Variants in ELAPOR1 observed in about 807,000 individuals in gnomAD.
The protein encoded by ELAPOR1 is endosome-lysosome associated apoptosis and autophagy regulator 1.
ELAPOR1 carries 77 observed loss-of-function variants against 119.7 expected under a neutral mutation model. The ratio of observed to expected loss-of-function variants is 0.64; its 90% CI spans 0.54 to 0.78. The LOEUF (loss-of-function observed/expected upper bound fraction) is 0.78, where lower values mean the gene tolerates loss of function less well. Ranked by LOEUF, ELAPOR1 falls within the 30% of genes least tolerant of loss-of-function variation. The pLI, the probability that ELAPOR1 is intolerant of heterozygous loss-of-function variation, is 0.00. For missense variants in ELAPOR1, 1,115 were observed against 1,270.4 expected, an observed-to-expected ratio of 0.88 and a Z score of 1.86; for synonymous variants, 481 against 487.2, an observed-to-expected ratio of 0.99 and a Z score of 0.17.
intron 8 of ELAPOR1, among the ~76,000 whole-genome samples, chr1:109,186,080 A>T (rs1187624730): frequency 1.3e-5 from 2 of 152,010 alleles, no homozygotes; most frequent in Non-Finnish European, 2.9e-5. Flanking sequence ...GGAAGGAAAA[A>T]AAAAAACCAG....
Position 109,199,897 on chromosome 1 carries a change from C to T in ELAPOR1, c.2545C>T (p.Leu849=). Residue 849 remains leucine, a synonymous_variant, in exon 19 of 22, where the codon CTG becomes TTG. Transcript: ENST00000369939. The part of the protein sequence containing the change: ...GTCDGCNFHF[L]WESAAACPLC... The stretch of plus-strand genomic sequence containing the variant: ...CTGTGATGGCTGCAACTTCCACTTC[C>T]TGTGGGAGAGCGCGGCTGCTTGCCC... 6.2e-7 allele frequency: 1 copy of T among 1,613,784 alleles called. No homozygotes were observed. The highest frequency in any genetic ancestry group is 8.5e-7 in the Non-Finnish European group (1 of 1,180,026).
chr1:109,140,349 G>T (rs987843947), intron 1 of ELAPOR1, among the ~76,000 whole-genome samples: 3 of 152,164 alleles, frequency 2.0e-5, no homozygotes, highest in African/African-American at 7.2e-5. Context: ...TGGCTAGGGT[G>T]CAGGGTTGGA....
chr1:109,130,548 T>C lies in ELAPOR1; in HGVS notation c.153+16212T>C, dbSNP rs1649096035. 2.6e-5 allele frequency among the ~76,000 whole-genome samples: 4 copies of C among 151,988 alleles called. No homozygotes were observed. In the East Asian group the frequency reaches 7.7e-4, roughly 29 times the overall value. ...TGAAAATAGAGACAAGGGCTCACTC[T>C]GTTGCCCAGGCTGGTCTCCAACTCT... On this transcript the variant is annotated intron_variant, in intron 1 of 21. Transcript: ENST00000369939.
intron 3 of ELAPOR1, among the ~76,000 whole-genome samples, chr1:109,169,581 G>T (rs1651805992): frequency 6.6e-6 from 1 of 152,146 alleles, no homozygotes; most frequent in Non-Finnish European, 1.5e-5. Flanking sequence ...GGAAACCTGG[G>T]CTGGTCTCAG....
intron 1 of ELAPOR1, among the ~76,000 whole-genome samples, chr1:109,130,761 G>A (rs1420115929): frequency 1.3e-5 from 2 of 152,046 alleles, no homozygotes; most frequent in African/African-American, 2.4e-5. Context: ...TTTTCAAAAT[G>A]GTTTAACTAT....
intron 7 of ELAPOR1, among the ~76,000 whole-genome samples, chr1:109,183,397 T>C (rs1206918769): frequency 4.6e-5 from 6 of 130,116 alleles, no homozygotes; most frequent in Non-Finnish European, 8.3e-5. Context: ...TATGATGAAA[T>C]AATGAAAAAA....
At chr1:109,182,997 G>A (rs992514621) in intron 7 of ELAPOR1, among the ~76,000 whole-genome samples, 1 of 152,134 alleles carries the variant, frequency 6.6e-6, no homozygotes, top group Non-Finnish European at 1.5e-5. Flanking sequence ...CGAAGTAGTG[G>A]TGGCAGTAGT....
chr1:109,172,029 A>T lies in ELAPOR1; in HGVS notation c.615+16A>T. The T allele has an allele frequency of 1.9e-6, 3 of 1,614,142 alleles. No individual in the cohort carries two copies. The highest frequency in any genetic ancestry group is 2.5e-6 in the Non-Finnish European group (3 of 1,179,972). On this transcript the variant is annotated intron_variant, in intron 4 of 21. Transcript: ENST00000369939. ...TGAGTTTTTCGTAAGCCCCTGGCCA[A>T]GGTGGAGGGTGGGAGCTAAAAAGCC...
chr1:109,179,337 G>T (rs1317728404), intron 7 of ELAPOR1, among the ~76,000 whole-genome samples: 1 of 150,248 alleles, frequency 6.7e-6, no homozygotes, highest in Non-Finnish European at 1.5e-5. Context: ...GGGAGGCGGA[G>T]GTTGCAGGTT....
intron 3 of ELAPOR1, among the ~76,000 whole-genome samples, chr1:109,165,584 T>TAAA (rs1161516161): frequency 8.6e-6 from 1 of 115,906 alleles, no homozygotes; most frequent in Non-Finnish European, 1.9e-5. Context: ...AACTCCGTCT[T>TAAA]AAAAAAAAAA....
At chr1:109,115,820 C>T (rs543631922) in intron 1 of ELAPOR1, among the ~76,000 whole-genome samples, 1 of 152,274 alleles carries the variant, frequency 6.6e-6, no homozygotes, top group South Asian at 2.1e-4. Context: ...TGACAACCTG[C>T]CCTGGGCCAT....
chr1:109,165,059 T>C (rs1261166278), intron 3 of ELAPOR1, among the ~76,000 whole-genome samples: 1 of 151,616 alleles, frequency 6.6e-6, no homozygotes, highest in Non-Finnish European at 1.5e-5. Context: ...GAGAGGCTAA[T>C]GTGGGAGGAT....
intron 1 of ELAPOR1, among the ~76,000 whole-genome samples, chr1:109,144,061 A>ATATATATATTTTTTTTTTTTT: frequency 1.0e-4 from 9 of 88,990 alleles, no homozygotes; most frequent in Non-Finnish European, 1.5e-4. Flanking sequence ...ATATTTATAT[A>ATATATATATTTTTTTTTTTTT]TTTTTTTTTT....
intron 1 of ELAPOR1, among the ~76,000 whole-genome samples, chr1:109,145,524 T>C (rs536337250): frequency 1.8e-4 from 27 of 151,988 alleles, no homozygotes; most frequent in African/African-American, 6.5e-4. Context: ...GGCATGGTGG[T>C]GCGCACTTGT....
At chr1:109,144,061 A>ATATATATATATATTTTTTTTTTTTTTTT in intron 1 of ELAPOR1, among the ~76,000 whole-genome samples, 1 of 88,990 alleles carries the variant, frequency 1.1e-5, no homozygotes, top group African/African-American at 4.8e-5. Flanking sequence ...ATATTTATAT[A>ATATATATATATATTTTTTTTTTTTTTTT]TTTTTTTTTT....
intron 1 of ELAPOR1, among the ~76,000 whole-genome samples, chr1:109,130,329 G>A (rs925045492): frequency 1.3e-5 from 2 of 152,090 alleles, no homozygotes; most frequent in Non-Finnish European, 2.9e-5. Flanking sequence ...AAGTGCCAAT[G>A]AGCAGAGAAA....
intron 1 of ELAPOR1, among the ~76,000 whole-genome samples, chr1:109,155,143 G>A (rs1420157425): frequency 6.6e-6 from 1 of 152,116 alleles, no homozygotes; most frequent in Non-Finnish European, 1.5e-5. Context: ...CCCTCAGTAC[G>A]TGCTTGTTGA....
intron 2 of ELAPOR1, among the ~76,000 whole-genome samples, 174 bp from the exon 3 acceptor site, chr1:109,164,325 T>A (rs576122605): frequency 8.6e-5 from 13 of 151,872 alleles, no homozygotes; most frequent in East Asian, 3.9e-4. Context: ...GAAAAAAAAA[T>A]TTTTTTAAGA....
intron 1 of ELAPOR1, among the ~76,000 whole-genome samples, chr1:109,127,593 C>T (rs148424356): frequency 3.3e-5 from 5 of 151,440 alleles, no homozygotes; most frequent in African/African-American, 4.8e-5. Context: ...TTTGAGACAG[C>T]GTCCTACTCT....
Sources: allele counts gnomAD v4.1 joint callset (sites outside exome capture counted in the v4.1 genomes callset), GRCh38; gene constraint gnomAD v4.1.1; transcripts MANE v1.5; gene names NCBI Gene and HGNC (gene_info 2026-07-23, HGNC 2026-07-21).